The following SCHIP1 variants were observed in gnomAD, a reference collection of about 807,000 sequenced individuals.
SCHIP1 encodes schwannomin interacting protein 1, also known as schwannomin-interacting protein 1.
SCHIP1 carries 8 observed loss-of-function variants against 29.7 expected under a neutral mutation model. The observed-to-expected ratio is 0.27, with a 90% CI of 0.16 to 0.49. The LOEUF (loss-of-function observed/expected upper bound fraction) is 0.49. Among genes scored for constraint, SCHIP1 ranks in the 20% least tolerant of loss-of-function variants. The pLI, the probability that SCHIP1 is intolerant of heterozygous loss-of-function variation, is 0.99. For missense variants in SCHIP1, 193 were observed against 294.6 expected (o/e 0.66, Z 2.52); for synonymous variants, 76 against 94.9 (o/e 0.80, Z 1.16).
chr3:159,562,488 T>G, the SCHIP1 span, among the ~76,000 whole-genome samples: 1 of 152,162 alleles, frequency 6.6e-6, no homozygotes, highest in East Asian at 1.9e-4. Context: ...TAGAAACAAC[T>G]GAGGGTGAAG....
At chr3:159,641,148 C>A in the SCHIP1 span, among the ~76,000 whole-genome samples, 1 of 152,102 alleles carries the variant, frequency 6.6e-6, no homozygotes, top group African/African-American at 2.4e-5. Flanking sequence ...AATAGCCATT[C>A]AATAGGTGTT....
the SCHIP1 span, among the ~76,000 whole-genome samples, chr3:159,541,673 C>A: frequency 6.6e-6 from 1 of 151,950 alleles, no homozygotes; most frequent in Admixed American, 6.6e-5. Flanking sequence ...CTTAATTGAA[C>A]AAAATTAATT....
At chr3:159,545,300 G>A in the SCHIP1 span, among the ~76,000 whole-genome samples, 2 of 152,134 alleles carry the variant, frequency 1.3e-5, no homozygotes, top group South Asian at 4.2e-4. Flanking sequence ...AGTGGGCTGG[G>A]AAAGGCCGAC....
the SCHIP1 span, among the ~76,000 whole-genome samples, chr3:159,547,008 C>A: frequency 1.3e-5 from 2 of 152,192 alleles, no homozygotes; most frequent in African/African-American, 4.8e-5. Flanking sequence ...CTGTCTTCCA[C>A]AATGGCTCAA....
chr3:159,361,981 G>C, the SCHIP1 span, among the ~76,000 whole-genome samples: 1 of 152,182 alleles, frequency 6.6e-6, no homozygotes, highest in Non-Finnish European at 1.5e-5. Context: ...CTGGAGTTTG[G>C]AAGAGAGGTA....
chr3:159,457,706 G>T, the SCHIP1 span, among the ~76,000 whole-genome samples: 1 of 152,080 alleles, frequency 6.6e-6, no homozygotes, highest in Non-Finnish European at 1.5e-5. Flanking sequence ...CCCAGTGGCT[G>T]ACTGAAGCTG....
chr3:159,764,544 C>T, the SCHIP1 span: 2 of 1,594,890 alleles, frequency 1.3e-6, no homozygotes, highest in Non-Finnish European at 1.7e-6. This position sits in a 1 kb window ranked among gnomAD's most constrained non-coding sequence, Gnocchi z 6.1. Flanking sequence ...TGACCCCTTG[C>T]TCCGAGTGCA....
the SCHIP1 span, among the ~76,000 whole-genome samples, chr3:159,739,570 A>G: frequency 6.6e-6 from 1 of 152,178 alleles, no homozygotes; most frequent in Non-Finnish European, 1.5e-5. Context: ...CAGTTTCAGA[A>G]TCCTCTGGTT....
chr3:159,483,997 A>G, the SCHIP1 span, among the ~76,000 whole-genome samples: 1 of 152,206 alleles, frequency 6.6e-6, no homozygotes, highest in Admixed American at 6.6e-5. Flanking sequence ...TCAAAAGCCT[A>G]CAATATAAAT....
the SCHIP1 span, among the ~76,000 whole-genome samples, chr3:159,518,146 T>C: frequency 6.6e-6 from 1 of 152,266 alleles, no homozygotes; most frequent in Non-Finnish European, 1.5e-5. Context: ...GACGGATATA[T>C]AAAGGTTGAG....
the SCHIP1 span, among the ~76,000 whole-genome samples, chr3:159,514,627 A>G: frequency 6.6e-6 from 1 of 152,234 alleles, no homozygotes; most frequent in Non-Finnish European, 1.5e-5. Flanking sequence ...TATTGTGAGT[A>G]AAAATGAGTG....
chr3:159,893,326 A>G (rs1057418287), intron 6 of SCHIP1: 9 of 152,204 alleles, frequency 5.9e-5, no homozygotes, highest in African/African-American at 1.9e-4. Context: ...CTCTTTGAAC[A>G]TATTTGCCTG....
At chr3:159,808,488 AAGAT>A in the SCHIP1 span, 1 of 152,274 alleles carries the variant, frequency 6.6e-6, no homozygotes, top group Admixed American at 6.5e-5. Flanking sequence ...GCTGACTTTT[AAGAT>A]AGATAGAGGA....
At chr3:159,566,824 G>T in the SCHIP1 span, among the ~76,000 whole-genome samples, 1 of 152,196 alleles carries the variant, frequency 6.6e-6, no homozygotes, top group Non-Finnish European at 1.5e-5. Context: ...CTAAGTACAT[G>T]TGCTAGTTTC....
At chr3:159,820,048 G>A in the SCHIP1 span, among the ~76,000 whole-genome samples, 3 of 152,174 alleles carry the variant, frequency 2.0e-5, no homozygotes, top group Non-Finnish European at 2.9e-5. Context: ...GATATTTCTG[G>A]CAGTTTTTTG....
the SCHIP1 span, chr3:159,275,285 G>A: frequency 1.2e-5 from 2 of 164,826 alleles, no homozygotes; most frequent in South Asian, 3.9e-4. Context: ...GGTTTAATAG[G>A]TAAGTAGGAC....
the SCHIP1 span, among the ~76,000 whole-genome samples, chr3:159,502,310 TGA>T: frequency 1.0e-3 from 159 of 152,212 alleles, 1 homozygote; most frequent in Middle Eastern, 0.01. Context: ...GTTGGGGACC[TGA>T]GAGAGGCCAC....
chr3:159,435,585 A>G, the SCHIP1 span, among the ~76,000 whole-genome samples: 2 of 152,158 alleles, frequency 1.3e-5, no homozygotes, highest in Non-Finnish European at 2.9e-5. Context: ...CAAGTGAAGA[A>G]CTTTGCCTTT....
At chr3:159,776,284 A>G in the SCHIP1 span, among the ~76,000 whole-genome samples, 3 of 150,016 alleles carry the variant, frequency 2.0e-5, no homozygotes, top group African/African-American at 7.4e-5. Flanking sequence ...GTCCATTTTG[A>G]CCTAGTCTGA....
Sources: allele counts gnomAD v4.1 joint callset (sites outside exome capture counted in the v4.1 genomes callset), GRCh38; gene constraint gnomAD v4.1.1; non-coding constraint Gnocchi (gnomAD v3.1); transcripts MANE v1.5; gene names NCBI Gene and HGNC (gene_info 2026-07-23, HGNC 2026-07-21).